Variants in CD163 observed in about 807,000 individuals in gnomAD.
CD163 encodes scavenger receptor cysteine-rich type 1 protein M130.
Under a neutral mutation model 129.2 loss-of-function variants are expected in CD163, and 64 were observed. The ratio of observed to expected loss-of-function variants is 0.50; its 90% CI spans 0.41 to 0.61. The LOEUF (loss-of-function observed/expected upper bound fraction) is 0.61, where lower values mean the gene tolerates loss of function less well. CD163 is among the 20% of genes least tolerant of loss of function. CD163 has a pLI of 0.00. For synonymous variants in CD163, 446 were observed against 478.5 expected (o/e 0.93, Z 0.89); for missense variants, 1,061 against 1,377.9 (o/e 0.77, Z 3.64).
intron 12 of CD163, 76 bp from the exon 13 acceptor site, chr12:7,483,080 AC>A: frequency 7.3e-7 from 1 of 1,375,324 alleles, no homozygotes; most frequent in East Asian, 2.3e-5. Context: ...TCCTTGTCTG[AC>A]CCCTTAGTAC....
chr12:7,471,731 C>T (rs761777275), intron 16 of CD163: 1 of 152,210 alleles, frequency 6.6e-6, no homozygotes, highest in South Asian at 2.1e-4. Flanking sequence ...CGCCTAGAAC[C>T]CCAGGGAGAC....
rs897576930 is a variant in CD163, at chr12:7,479,894, G to T, written c.3363C>A (p.His1121Gln). The change falls in exon 16 of 17, where the codon CAC becomes CAA. Residue 1121 changes from histidine (H) to glutamine (Q), a missense_variant. Transcript: ENST00000432237. ...TTATAAATTCCCATTTTCCTTTTCAGTGTGGCTCAGAATGGCCTCCTTTTC... is the reference window on the plus strand; with the variant it reads ...TTATAAATTCCCATTTTCCTTTTCATTGTGGCTCAGAATGGCCTCCTTTTC... ...MNSSGGHSEP[H>Q] 6.2e-7 allele frequency: 1 copy of T among 1,612,394 alleles called. No homozygotes were observed. Among genetic ancestry groups the T allele is most frequent in the Non-Finnish European group, 8.5e-7 (1 of 1,179,248 alleles).
chr12:7,490,331 A>G (rs1187513553), intron 6 of CD163, among the ~76,000 whole-genome samples: 1 of 152,002 alleles, frequency 6.6e-6, no homozygotes, highest in Non-Finnish European at 1.5e-5. Context: ...GAAATTTAAA[A>G]TATAAAGAAA....
chr12:7,494,939 G>T, intron 6 of CD163, 142 bp downstream of exon 6: 1 of 686,754 alleles, frequency 1.5e-6, no homozygotes, highest in Non-Finnish European at 2.5e-6. Flanking sequence ...AAACTTATCT[G>T]ACTCTCCCAG....
chr12:7,480,979 A>G (rs1458928759), intron 15 of CD163, 182 bp downstream of exon 15: 5 of 1,322,688 alleles, frequency 3.8e-6, no homozygotes, highest in East Asian at 5.7e-5. Flanking sequence ...AGGCCTCCCT[A>G]TGATTGCAAT....
chr12:7,500,421 C>CCAA lies in CD163; in HGVS notation c.457+717_457+718insTTG, dbSNP rs1555079812. ...GGGGGACAAGAGCGACAATTCGTCC[C>CCAA]AAAAAAAAAAAAAAAAAAAAGGAAT... is the stretch of plus-strand genomic sequence containing the variant. On this transcript the variant is annotated intron_variant, in intron 3 of 16. Transcript: ENST00000432237. Among the ~76,000 whole-genome samples the CCAA allele has an allele frequency of 7.6e-4, 49 of 64,082 alleles. 1 individual carries two copies. The highest frequency in any genetic ancestry group is 1.3e-3 in the African/African-American group (26 of 19,594). The allele number at this position is 64,082 out of a possible 152,430, so 42.0% of individuals were successfully genotyped here.
intron 6 of CD163, among the ~76,000 whole-genome samples, chr12:7,494,768 A>G (rs147328113): frequency 8.5e-4 from 130 of 152,288 alleles, no homozygotes; most frequent in African/African-American, 3.0e-3. Flanking sequence ...TAACATGGTT[A>G]TTTTTTAAAT....
In CD163 at chr12:7,482,952, A is replaced by G; in HGVS notation, c.3127+14T>C. 7.4e-6 allele frequency: 12 copies of G among 1,612,510 alleles called. No individual in the cohort carries two copies. The highest frequency in any genetic ancestry group is 8.5e-6 in the Non-Finnish European group (10 of 1,179,424). On this transcript the variant is annotated intron_variant, in intron 13 of 16. Transcript: ENST00000432237. ...CAGATAATTGGTCTCATCATCATAAACTCCATGATATACCTGTTGTGGCTT... is the reference window on the plus strand; with the variant it reads ...CAGATAATTGGTCTCATCATCATAAGCTCCATGATATACCTGTTGTGGCTT...
At chr12:7,483,088 G>A (rs971014266) in intron 12 of CD163, 84 bp from the exon 13 acceptor site, 3 of 1,339,326 alleles carry the variant, frequency 2.2e-6, no homozygotes, top group Non-Finnish European at 3.2e-6. Context: ...TGACCCCTTA[G>A]TACCTCTCAA....
Position 7,487,160 on chromosome 12 carries a change from A to C in CD163, c.2051-174T>G, listed in dbSNP as rs1043343001. On this transcript the variant is annotated intron_variant, in intron 8 of 16. Coordinates refer to ENST00000432237, the MANE Select transcript of CD163 (RefSeq NM_203416.4). The surrounding 1 kb of genome is among the most constrained non-coding windows in gnomAD (Gnocchi z 5.1). ...GAGATGGGCTTGGCACATAGTAAGC[A>C]CTGGATAACTAAGAAGTCCATCAAA... 2.0e-5 allele frequency among the ~76,000 whole-genome samples: 3 copies of C among 152,234 alleles called. No individual in the cohort carries two copies. Among genetic ancestry groups the C allele is most frequent in the African/African-American group, 7.2e-5 (3 of 41,466 alleles).
At chr12:7,490,064 C>T (rs1949307526) in intron 6 of CD163, among the ~76,000 whole-genome samples, 1 of 151,984 alleles carries the variant, frequency 6.6e-6, no homozygotes, top group African/African-American at 2.4e-5. Context: ...CCTCCATGAA[C>T]ACAGTTCACT....
At position 7,497,122 on chromosome 12, in the gene CD163, G is replaced by A; in HGVS notation, c.790C>T (p.Leu264=). ...ACTCCATCTACCAGTCTCAGGCTCAGATCTGCTCCCTCTGTAACAGAGACA... is the reference window on the plus strand; with the variant it reads ...ACTCCATCTACCAGTCTCAGGCTCAAATCTGCTCCCTCTGTAACAGAGACA... ...AGVICSKGAD[L]SLRLVDGVTE... The change falls in exon 5 of 17, where the codon CTG becomes TTG. Residue 264 remains leucine, a synonymous_variant. Coordinates refer to ENST00000432237, the MANE Select transcript of CD163 (RefSeq NM_203416.4). The A allele has an allele frequency of 6.2e-7, 1 of 1,613,552 alleles. No individual in the cohort carries two copies.
At chr12:7,502,732 T>C in intron 1 of CD163, 168 bp from the exon 2 acceptor site, 1 of 644,942 alleles carries the variant, frequency 1.6e-6, no homozygotes, top group East Asian at 2.7e-5. Context: ...CTCATATAGT[T>C]TCAGTGAAAT....
chr12:7,488,029 CACTTCAACACGTCCAGA>C lies in CD163; in HGVS notation c.1462_1478del (p.Ser488GlufsTer4). 1 of 1,614,096 alleles carries C rather than the reference CACTTCAACACGTCCAGA, an allele frequency of 6.2e-7. No individual in the cohort carries two copies. The highest frequency in any genetic ancestry group is 8.5e-7 in the Non-Finnish European group (1 of 1,179,988). ...TGGAGCCCCACGTGTCACCATGCTT[CACTTCAACACGTCCAGA>C]ACAGGGAATGTCCCCTCCAACCAGT... On this transcript the variant is annotated frameshift_variant, in exon 7 of 17. Coordinates refer to ENST00000432237, the MANE Select transcript of CD163 (RefSeq NM_203416.4). LOFTEE classifies it high-confidence loss of function.
intron 15 of CD163, chr12:7,480,859 T>C (rs1204554002): frequency 9.8e-7 from 1 of 1,022,120 alleles, no homozygotes; most frequent in African/African-American, 1.7e-5. Flanking sequence ...TATGACAATC[T>C]TTTGTAAGAT....
Position 7,495,335 on chromosome 12 carries a change from T to A in CD163, c.1166A>T (p.Glu389Val). ...GSRCAGTVEV[E>V]IQRLLGKVCD... ...CACCTTCCCTAACAGTCTCTGAATC[T>A]CCACCTCAACTGTCCCAGCACAGCG... The change falls in exon 6 of 17, where the codon GAG becomes GTG. Residue 389 changes from glutamate (E) to valine (V), a missense_variant. Transcript: ENST00000432237. 1 of 1,614,144 alleles carries A rather than the reference T, an allele frequency of 6.2e-7. No individual in the cohort carries two copies. Among genetic ancestry groups the A allele is most frequent in the Non-Finnish European group, 8.5e-7 (1 of 1,180,022 alleles).
rs772699952 is a variant in CD163, at chr12:7,488,103, T to G, written c.1421-16A>C. On this transcript the variant is annotated splice_polypyrimidine_tract_variant and intron_variant, in intron 6 of 16. Transcript: ENST00000432237. ...TCCCTGTGGGCTGAAAAATAAATAT[T>G]ATTTCAGTGAGAGGTAATATGATTT... 1 of 1,577,830 alleles carries G rather than the reference T, an allele frequency of 6.3e-7. No homozygotes were observed. The highest frequency in any genetic ancestry group is 1.4e-5 in the African/African-American group (1 of 74,038).
intron 16 of CD163, among the ~76,000 whole-genome samples, chr12:7,479,315 A>T (rs902364733): frequency 6.6e-6 from 1 of 152,110 alleles, no homozygotes; most frequent in Non-Finnish European, 1.5e-5. Context: ...TACGTTCAAT[A>T]TACGTTTTTG....
intron 6 of CD163, among the ~76,000 whole-genome samples, chr12:7,493,875 C>A (rs1949360711): frequency 6.6e-6 from 1 of 151,860 alleles, no homozygotes; most frequent in Admixed American, 6.6e-5. Context: ...GAATGGCTAA[C>A]CTTGTCAGGT....
Sources: allele counts gnomAD v4.1 joint callset (sites outside exome capture counted in the v4.1 genomes callset), GRCh38; gene constraint gnomAD v4.1.1; non-coding constraint Gnocchi (gnomAD v3.1); transcripts MANE v1.5; gene names NCBI Gene and HGNC (gene_info 2026-07-23, HGNC 2026-07-21).